MBNL1: variants seen among roughly 807,000 people sequenced by gnomAD.
MBNL1 encodes muscleblind like splicing regulator 1.
MBNL1 carries 8 observed loss-of-function variants against 42.2 expected under a neutral mutation model. That is an observed-to-expected ratio of 0.19 (90% CI 0.11 to 0.34). The LOEUF (loss-of-function observed/expected upper bound fraction) is 0.34. MBNL1 is among the 10% of genes least tolerant of loss of function. The pLI is 1.00. For synonymous variants in MBNL1, 169 were observed against 173.9 expected (o/e 0.97, Z 0.22); for missense variants, 309 against 495.3 (o/e 0.62, Z 3.57).
chr3:152,331,151 T>A (rs2084181475), intron 2 of MBNL1, among the ~76,000 whole-genome samples: 1 of 151,732 alleles, frequency 6.6e-6, no homozygotes, highest in Admixed American at 6.6e-5. Flanking sequence ...CTGCTCTTCT[T>A]CTCTTTTCAT....
chr3:152,433,640 C>T (rs1240032366), intron 4 of MBNL1, among the ~76,000 whole-genome samples: 1 of 151,306 alleles, frequency 6.6e-6, no homozygotes, highest in Non-Finnish European at 1.5e-5. Context: ...GTCCCAGCTA[C>T]TCGGGAGGCT....
intron 2 of MBNL1, among the ~76,000 whole-genome samples, chr3:152,370,194 T>A (rs2096597951): frequency 6.6e-6 from 1 of 152,204 alleles, no homozygotes; most frequent in South Asian, 2.1e-4. Flanking sequence ...CTAGAGATTC[T>A]GGTACATTGT....
intron 2 of MBNL1, among the ~76,000 whole-genome samples, chr3:152,256,757 T>C (rs1434714204): frequency 6.6e-6 from 1 of 152,178 alleles, no homozygotes; most frequent in Non-Finnish European, 1.5e-5. Context: ...TCAATATTTA[T>C]TTGTTAGGAA....
chr3:152,261,208 G>C (rs1022470194), intron 2 of MBNL1, among the ~76,000 whole-genome samples: 1 of 152,120 alleles, frequency 6.6e-6, no homozygotes, highest in Non-Finnish European at 1.5e-5. Flanking sequence ...ATTTGTCTGA[G>C]TTGCAGCCGG....
intron 2 of MBNL1, among the ~76,000 whole-genome samples, chr3:152,389,192 G>A (rs1234137695): frequency 1.3e-5 from 2 of 151,968 alleles, no homozygotes; most frequent in East Asian, 1.9e-4. Context: ...AGGTTCAATC[G>A]ATTCTCCGGC....
At chr3:152,460,026 G>T (rs1742262438) in intron 9 of MBNL1, among the ~76,000 whole-genome samples, 1 of 151,978 alleles carries the variant, frequency 6.6e-6, no homozygotes. Flanking sequence ...GGCCAAGGTG[G>T]GTGGATTGCT....
chr3:152,435,021 G>C (rs2099059615), intron 4 of MBNL1, among the ~76,000 whole-genome samples: 1 of 151,662 alleles, frequency 6.6e-6, no homozygotes, highest in Non-Finnish European at 1.5e-5. Context: ...TTCTTTGGCT[G>C]TGTAGAAGCT....
intron 2 of MBNL1, among the ~76,000 whole-genome samples, chr3:152,349,406 T>C (rs1423027424): frequency 6.7e-6 from 1 of 149,116 alleles, no homozygotes; most frequent in Admixed American, 6.6e-5. Context: ...GTTGGAAACA[T>C]ATCTTATTTT....
chr3:152,335,181 C>G (rs2088865112), intron 2 of MBNL1: 1 of 1,289,526 alleles, frequency 7.8e-7, no homozygotes, highest in Non-Finnish European at 1.0e-6. Flanking sequence ...CAAGAAGAAG[C>G]TGTATCTTAT....
At chr3:152,343,071 C>A (rs185846664) in intron 2 of MBNL1, among the ~76,000 whole-genome samples, 1 of 152,082 alleles carries the variant, frequency 6.6e-6, no homozygotes, top group African/African-American at 2.4e-5. Flanking sequence ...CATTTAACCT[C>A]TCTGAAAGGT....
chr3:152,456,435 G>A, intron 8 of MBNL1, 74 bp downstream of exon 8: 1 of 1,225,812 alleles, frequency 8.2e-7, no homozygotes, highest in South Asian at 1.2e-5. Flanking sequence ...TTACGCACGT[G>A]GATTTCCCAT....
chr3:152,246,301 A>C (rs1373790283), intron 2 of MBNL1, among the ~76,000 whole-genome samples: 1 of 152,132 alleles, frequency 6.6e-6, no homozygotes, highest in African/African-American at 2.4e-5. Context: ...TCAGAACAGC[A>C]AATGAAGGCT....
chr3:152,318,975 C>T (rs1348104827), intron 2 of MBNL1, among the ~76,000 whole-genome samples: 2 of 152,062 alleles, frequency 1.3e-5, no homozygotes, highest in Non-Finnish European at 2.9e-5. Context: ...ATTTGTACTA[C>T]TGGAAGTTCC....
intron 2 of MBNL1, chr3:152,340,940 A>G: frequency 6.4e-7 from 1 of 1,563,474 alleles, no homozygotes; most frequent in South Asian, 1.2e-5. Context: ...AGGAGACTGC[A>G]GCAGGCCTGC....
intron 2 of MBNL1, among the ~76,000 whole-genome samples, chr3:152,261,266 TCTC>T (rs2036222300): frequency 6.6e-6 from 1 of 152,152 alleles, no homozygotes; most frequent in Non-Finnish European, 1.5e-5. Flanking sequence ...CTAGTTTCAG[TCTC>T]CTCATTATGA....
intron 2 of MBNL1, among the ~76,000 whole-genome samples, chr3:152,381,403 C>T (rs191209062): frequency 5.3e-4 from 80 of 151,974 alleles, no homozygotes; most frequent in Non-Finnish European, 1.0e-3. Context: ...TAAAAACAAA[C>T]GCTGTCCATA....
At chr3:152,433,052 A>AC (rs2099026980) in intron 4 of MBNL1, 132 bp downstream of exon 4, 1 of 692,170 alleles carries the variant, frequency 1.4e-6, no homozygotes. Context: ...AGGGTTTGGA[A>AC]CATTTTACTA....
intron 2 of MBNL1, among the ~76,000 whole-genome samples, chr3:152,346,453 G>A (rs1339025281): frequency 6.6e-6 from 1 of 151,544 alleles, no homozygotes; most frequent in Non-Finnish European, 1.5e-5. Context: ...TTTTCATATT[G>A]TCCCATTATT....
rs1302523812 is a variant in MBNL1, at chr3:152,443,191, CA to C, written c.550-2090del. The stretch of plus-strand genomic sequence containing the variant: ...CTTAACCTGTAGAAACCCCCCCCCC[CA>C]CACACACACACATGCAAATACATAC... On this transcript the variant is annotated intron_variant, in intron 4 of 9. Coordinates refer to ENST00000324210, the MANE Select transcript of MBNL1 (RefSeq NM_021038.5). Among the ~76,000 whole-genome samples the C allele has an allele frequency of 8.9e-3, 959 of 107,318 alleles. 7 individuals carry two copies. Among genetic ancestry groups the C allele is most frequent in the East Asian group, 0.028 (80 of 2,890 alleles). The allele number at this position is 107,318 out of a possible 152,430, so 70.4% of individuals were successfully genotyped here.
Sources: gnomAD v4.1 joint callset for allele counts (sites outside exome capture counted in the v4.1 genomes callset) on GRCh38, gnomAD v4.1.1 for gene constraint, MANE v1.5 for transcripts, NCBI Gene and HGNC (gene_info 2026-07-23, HGNC 2026-07-21) for gene names.